Variants in SPATA22 observed in about 807,000 individuals in gnomAD.
The protein encoded by SPATA22 is spermatogenesis-associated protein 22.
In SPATA22, 29 loss-of-function variants were observed where a neutral mutation model predicts 47.8. The observed-to-expected ratio is 0.61, with a 90% CI of 0.45 to 0.83. SPATA22 has a LOEUF of 0.83. Ranked by LOEUF, SPATA22 falls within the 40% of genes least tolerant of loss-of-function variation. The probability of loss-of-function intolerance (pLI) is 0.00; values close to 1 mark genes in which losing one functional copy is unlikely to be tolerated. For missense variants in SPATA22, 410 were observed against 421.7 expected, an observed-to-expected ratio of 0.97 and a Z score of 0.24; for synonymous variants, 133 against 140.9, an observed-to-expected ratio of 0.94 and a Z score of 0.40.
chr17:3,450,866 T>A (rs182717165), intron 5 of SPATA22, among the ~76,000 whole-genome samples: 1 of 152,278 alleles, frequency 6.6e-6, no homozygotes, highest in Admixed American at 6.5e-5. Flanking sequence ...AAATGTGACA[T>A]AGAAACATGA....
chr17:3,457,533 G>A (rs1475090908), intron 5 of SPATA22, among the ~76,000 whole-genome samples: 2 of 152,046 alleles, frequency 1.3e-5, no homozygotes, highest in African/African-American at 2.4e-5. Flanking sequence ...AAACAATCTT[G>A]AGAAAGAATA....
chr17:3,465,589 G>C (rs368773412), intron 3 of SPATA22, among the ~76,000 whole-genome samples: 1 of 151,192 alleles, frequency 6.6e-6, no homozygotes, highest in African/African-American at 2.4e-5. Context: ...CAGCATGCTC[G>C]TTAAGAGTCA....
Position 3,486,934 on chromosome 17 carries a change from C to A in SPATA22, c.-73-17536G>T, listed in dbSNP as rs1015868483. Among the ~76,000 whole-genome samples, 61 of 152,158 alleles carry A rather than the reference C, an allele frequency of 4.0e-4. 1 individual carries two copies. The highest frequency in any genetic ancestry group is 2.1e-4 in the South Asian group (1 of 4,820). On this transcript the variant is annotated intron_variant, in intron 1 of 8. Coordinates refer to the SPATA22 transcript ENST00000541913. ...ATGGCTATGGCAGAGTCAGGGGTGG[C>A]GTTGAATGAATAATAATTACACAAA...
chr17:3,480,483 C>T (rs1004756330), intron 1 of SPATA22, among the ~76,000 whole-genome samples: 4 of 152,140 alleles, frequency 2.6e-5, no homozygotes, highest in African/African-American at 9.7e-5. Context: ...GTGGGGACCA[C>T]GAGACCAGAT....
chr17:3,511,727 A>T (rs2074116289), intron 1 of SPATA22: 1 of 152,262 alleles, frequency 6.6e-6, no homozygotes, highest in African/African-American at 2.4e-5. Flanking sequence ...CTTGGACAAA[A>T]GCTGGCAGGT....
intron 5 of SPATA22, 74 bp from the exon 6 acceptor site, chr17:3,449,223 T>TTCATTTATA (rs2072801851): frequency 1.8e-6 from 2 of 1,104,080 alleles, no homozygotes; most frequent in South Asian, 3.4e-5. Context: ...TAATGAAAAA[T>TTCATTTATA]TCATTTATAT....
chr17:3,500,531 C>T (rs1470319969), intron 1 of SPATA22: 1 of 46,890 alleles, frequency 2.1e-5, no homozygotes, highest in Non-Finnish European at 5.9e-5. Context: ...GAGACGGAGT[C>T]TTGCTCTGTC....
chr17:3,455,955 T>G (rs752559687), intron 5 of SPATA22, among the ~76,000 whole-genome samples: 9 of 152,282 alleles, frequency 5.9e-5, no homozygotes, highest in African/African-American at 2.2e-4. Context: ...TTTGTTTGTA[T>G]CCTCTTTTAT....
intron 1 of SPATA22, among the ~76,000 whole-genome samples, chr17:3,481,281 G>T (rs1245400371): frequency 6.6e-6 from 1 of 152,104 alleles, no homozygotes; most frequent in Non-Finnish European, 1.5e-5. Flanking sequence ...CTAAGAAACT[G>T]TTCATTAAAT....
At chr17:3,507,059 G>T (rs1390230171) in intron 1 of SPATA22, among the ~76,000 whole-genome samples, 1 of 152,132 alleles carries the variant, frequency 6.6e-6, no homozygotes, top group Non-Finnish European at 1.5e-5. Context: ...GCTTAGGAAT[G>T]TGGGTGCAAA....
At chr17:3,492,787 C>T (rs2073846511) in intron 1 of SPATA22, among the ~76,000 whole-genome samples, 1 of 152,138 alleles carries the variant, frequency 6.6e-6, no homozygotes, top group Admixed American at 6.5e-5. Flanking sequence ...GTAAGGCCAT[C>T]CCATAGGATC....
rs1254784638 is a variant in SPATA22 at position 3,485,526 on chromosome 17, A to C, written c.-73-16128T>G. Among the ~76,000 whole-genome samples the C allele has an allele frequency of 6.6e-6, 1 of 152,204 alleles. No homozygotes were observed. The highest frequency in any genetic ancestry group is 1.9e-4 in the East Asian group (1 of 5,190). ...GAAACTCCGTCTCAAAAAAACAAAC[A>C]AACAAAAATACTAGCCATCTAACAC... is the stretch of plus-strand genomic sequence containing the variant. On this transcript the variant is annotated intron_variant, in intron 1 of 8. Transcript: ENST00000541913. The surrounding 1 kb of genome is among the most constrained non-coding windows in gnomAD (Gnocchi z 4.4).
chr17:3,469,993 C>T (rs181270836), intron 1 of SPATA22, among the ~76,000 whole-genome samples: 2 of 148,326 alleles, frequency 1.3e-5, no homozygotes, highest in African/African-American at 5.0e-5. Context: ...CTCGGGAGGC[C>T]GAGGCAGGAG....
At chr17:3,470,800 C>T (rs2150736393) in intron 1 of SPATA22, among the ~76,000 whole-genome samples, 1 of 151,232 alleles carries the variant, frequency 6.6e-6, no homozygotes, top group South Asian at 2.1e-4. Context: ...TCAGGTGCTG[C>T]CTCTGTTTTG....
intron 5 of SPATA22, among the ~76,000 whole-genome samples, chr17:3,456,069 A>T (rs2072987011): frequency 6.6e-6 from 1 of 152,158 alleles, no homozygotes; most frequent in African/African-American, 2.4e-5. Context: ...TGTGAATGGG[A>T]ATTCACTCAT....
rs185335866 is a variant in SPATA22, at chr17:3,469,994, G to A, written c.-73-596C>T. Among the ~76,000 whole-genome samples the A allele has an allele frequency of 2.8e-3, 415 of 148,998 alleles. 2 individuals carry two copies. The highest frequency in any genetic ancestry group is 3.4e-3 in the Non-Finnish European group (230 of 67,670). ...TGTAATCCCAGCTACTCGGGAGGCC[G>A]AGGCAGGAGAATCGCTTGAGCCCGA... is the stretch of plus-strand genomic sequence containing the variant. On this transcript the variant is annotated intron_variant, in intron 1 of 8. Transcript: ENST00000572969.
At chr17:3,447,698 A>C (rs918039671) in intron 6 of SPATA22, among the ~76,000 whole-genome samples, 4 of 152,218 alleles carry the variant, frequency 2.6e-5, no homozygotes, top group African/African-American at 9.6e-5. Flanking sequence ...TGAAAGGACA[A>C]GAGGAGAAAA....
intron 5 of SPATA22, among the ~76,000 whole-genome samples, chr17:3,451,646 C>T (rs2072862306): frequency 6.6e-6 from 1 of 152,078 alleles, no homozygotes; most frequent in South Asian, 2.1e-4. Flanking sequence ...AAATCAATAA[C>T]AGCTAGAAAA....
At chr17:3,477,729 TAGGCATG>T (rs917644590) in intron 1 of SPATA22, among the ~76,000 whole-genome samples, 2 of 152,062 alleles carry the variant, frequency 1.3e-5, no homozygotes, top group African/African-American at 2.4e-5. Context: ...GCTGGGATTA[TAGGCATG>T]AGCCACCGCG....
Sources: allele counts gnomAD v4.1 joint callset (sites outside exome capture counted in the v4.1 genomes callset), GRCh38; gene constraint gnomAD v4.1.1; non-coding constraint Gnocchi (gnomAD v3.1); transcripts MANE v1.5; gene names NCBI Gene and HGNC (gene_info 2026-07-23, HGNC 2026-07-21).